The following SH3PXD2A variants were observed in gnomAD, a reference collection of about 807,000 sequenced individuals.
SH3PXD2A encodes SH3 and PX domains 2A.
A neutral mutation model predicts 115.2 loss-of-function variants in SH3PXD2A; 32 were observed. The observed-to-expected ratio is 0.28, with a 90% CI of 0.21 to 0.37. The LOEUF (loss-of-function observed/expected upper bound fraction) is 0.37, where lower values mean the gene tolerates loss of function less well. Ranked by LOEUF, SH3PXD2A falls within the 10% of genes least tolerant of loss-of-function variation. The probability of loss-of-function intolerance (pLI) is 1.00; values close to 1 mark genes in which losing one functional copy is unlikely to be tolerated. For synonymous variants in SH3PXD2A, 610 were observed against 629.1 expected (o/e 0.97, Z 0.45); for missense variants, 1,328 against 1,498.7 (o/e 0.89, Z 1.88).
chr10:103,766,692 TGGA>T (rs1303006436), intron 3 of SH3PXD2A, among the ~76,000 whole-genome samples: 1 of 152,206 alleles, frequency 6.6e-6, no homozygotes, highest in Non-Finnish European at 1.5e-5. Flanking sequence ...ACGTGAGGAC[TGGA>T]GGAGATCAGA....
chr10:103,780,044 T>C (rs2038917378), intron 2 of SH3PXD2A, among the ~76,000 whole-genome samples: 1 of 152,204 alleles, frequency 6.6e-6, no homozygotes, highest in Admixed American at 6.5e-5. Flanking sequence ...CCAAATGGCC[T>C]AGAACTGTGG....
At chr10:103,846,541 T>C (rs1455100370) in intron 1 of SH3PXD2A, among the ~76,000 whole-genome samples, 1 of 152,150 alleles carries the variant, frequency 6.6e-6, no homozygotes, top group Admixed American at 6.5e-5. Context: ...CTGCCCTAGA[T>C]AATTAAGAAC....
Position 103,601,016 on chromosome 10 carries a change from C to G in SH3PXD2A, c.*800G>C, listed in dbSNP as rs3824782. The stretch of plus-strand genomic sequence containing the variant: ...CTCCCGAAACATGCAAAGGAACTGC[C>G]CGCCCAGAAATACCCAAAATAGTCT... On this transcript the variant is annotated 3_prime_UTR_variant, in exon 15 of 15. Coordinates refer to ENST00000369774, the MANE Select transcript of SH3PXD2A (RefSeq NM_001394015.1). 15,454 of 152,268 alleles carry G rather than the reference C, an allele frequency of 0.1. 922 individuals are homozygous for G. Among genetic ancestry groups the G allele is most frequent in the East Asian group, 0.21 (1,101 of 5,164 alleles). 9.4% of individuals were successfully genotyped at this position (152,268 alleles called of 1,614,324 possible). A position where few individuals can be genotyped will look rare whatever the true frequency, so the allele number is the denominator to read the frequency against.
intron 4 of SH3PXD2A, among the ~76,000 whole-genome samples, chr10:103,728,156 A>C (rs1055185619): frequency 6.6e-6 from 1 of 152,252 alleles, no homozygotes; most frequent in African/African-American, 2.4e-5. Flanking sequence ...TCAGGGCTGC[A>C]GGCAGATGCA....
chr10:103,655,655 C>T (rs1465385765), intron 8 of SH3PXD2A, among the ~76,000 whole-genome samples: 1 of 151,680 alleles, frequency 6.6e-6, no homozygotes, highest in Non-Finnish European at 1.5e-5. Context: ...CGCCTGTAAT[C>T]CCAGTTACTC....
In SH3PXD2A at chr10:103,622,707, C is replaced by T. The variant is rs772994101; in HGVS notation, c.719-154G>A. On this transcript the variant is annotated intron_variant, in intron 9 of 14. Coordinates refer to ENST00000369774, the MANE Select transcript of SH3PXD2A (RefSeq NM_001394015.1). Reference sequence around the variant, plus strand: ...ATCACCTGGACTGAACCAAAGGGCACGCCCCTGTTGGATGGGGCAGATATG... The same window carrying T: ...ATCACCTGGACTGAACCAAAGGGCATGCCCCTGTTGGATGGGGCAGATATG... 1.0e-3 allele frequency among the ~76,000 whole-genome samples: 156 copies of T among 152,292 alleles called. 1 individual carries two copies. Among genetic ancestry groups the T allele is most frequent in the African/African-American group, 3.2e-3 (135 of 41,546 alleles).
chr10:103,738,311 T>C (rs2038404327), intron 3 of SH3PXD2A, among the ~76,000 whole-genome samples: 1 of 152,320 alleles, frequency 6.6e-6, no homozygotes, highest in African/African-American at 2.4e-5. Context: ...CTACCCTTTT[T>C]TGGTTGCCTG....
intron 7 of SH3PXD2A, among the ~76,000 whole-genome samples, chr10:103,662,235 C>G (rs1390359306): frequency 6.7e-6 from 1 of 149,356 alleles, no homozygotes; most frequent in Non-Finnish European, 1.5e-5. Flanking sequence ...AAGCAGGCAC[C>G]AGGCAGGAAG....
At chr10:103,699,730 C>T (rs1476311455) in intron 5 of SH3PXD2A, among the ~76,000 whole-genome samples, 2 of 152,212 alleles carry the variant, frequency 1.3e-5, no homozygotes. Flanking sequence ...GCCTGCAGGC[C>T]ATTCTCTGCC....
In SH3PXD2A at chr10:103,622,749, A is replaced by G. The variant is rs540988184; in HGVS notation, c.719-196T>C. 4.6e-5 allele frequency among the ~76,000 whole-genome samples: 7 copies of G among 152,332 alleles called. No individual in the cohort carries two copies. The East Asian group carries it at 1.4e-3, about 29-fold the overall frequency. ...GCAGATATGACAGGTCATGGTCGGC[A>G]CACAGGGAAAAATTCAACCAAACTC... On this transcript the variant is annotated intron_variant, in intron 9 of 14. Transcript: ENST00000369774.
At chr10:103,694,331 C>T (rs977206721) in intron 5 of SH3PXD2A, among the ~76,000 whole-genome samples, 1 of 152,150 alleles carries the variant, frequency 6.6e-6, no homozygotes, top group Admixed American at 6.5e-5. Context: ...GAAGAGGCAG[C>T]AGGCTCCCAG....
chr10:103,806,143 T>C (rs1287330074), intron 1 of SH3PXD2A, among the ~76,000 whole-genome samples: 2 of 152,164 alleles, frequency 1.3e-5, no homozygotes, highest in East Asian at 1.9e-4. Flanking sequence ...GTGTGAAGGA[T>C]GGGGAAGCGA....
chr10:103,699,839 G>A (rs1159085624), intron 5 of SH3PXD2A, among the ~76,000 whole-genome samples: 1 of 152,206 alleles, frequency 6.6e-6, no homozygotes, highest in Non-Finnish European at 1.5e-5. Flanking sequence ...AGGGTTCTGA[G>A]AATGGACCCC....
chr10:103,848,036 C>T (rs1195206447), intron 1 of SH3PXD2A, among the ~76,000 whole-genome samples: 1 of 152,096 alleles, frequency 6.6e-6, no homozygotes, highest in Non-Finnish European at 1.5e-5. Context: ...ATGCTGGGCT[C>T]CCCTCAGACT....
Position 103,611,533 on chromosome 10 carries a change from C to T in SH3PXD2A, c.1308+48G>A. On this transcript the variant is annotated intron_variant, in intron 13 of 14. Coordinates refer to ENST00000369774, the MANE Select transcript of SH3PXD2A (RefSeq NM_001394015.1). ...GCCAATTGATCGGGTGGCTATAGCG[C>T]ATTCACAGAAAAGGAAGGAAAGGGG... 2 of 1,528,704 alleles carry T rather than the reference C, an allele frequency of 1.3e-6. 1 individual carries two copies. Among genetic ancestry groups the T allele is most frequent in the South Asian group, 2.2e-5 (2 of 89,208 alleles). The allele number at this position is 1,528,704 out of a possible 1,614,324, so 94.7% of individuals were successfully genotyped here. A position where few individuals can be genotyped will look rare whatever the true frequency, so the allele number is the denominator to read the frequency against.
In SH3PXD2A at chr10:103,623,277, C is replaced by G. The variant is rs528970648; in HGVS notation, c.719-724G>C. Among the ~76,000 whole-genome samples, 943 of 141,126 alleles carry G rather than the reference C, an allele frequency of 6.7e-3. 10 individuals carry two copies. The highest frequency in any genetic ancestry group is 0.014 in the Middle Eastern group (4 of 276). The allele number at this position is 141,126 out of a possible 152,430, so 92.6% of individuals were successfully genotyped here. ...GACATCTGATGACAGGGGCCCCCTCCCCAGCTTCTCACTGCTCCTGACCCC... is the reference window on the plus strand; with the variant it reads ...GACATCTGATGACAGGGGCCCCCTCGCCAGCTTCTCACTGCTCCTGACCCC... On this transcript the variant is annotated intron_variant, in intron 9 of 14. Transcript: ENST00000369774.
At chr10:103,701,612 CCAT>C in intron 5 of SH3PXD2A, among the ~76,000 whole-genome samples, 1 of 150,950 alleles carries the variant, frequency 6.6e-6, no homozygotes, top group East Asian at 2.0e-4. Flanking sequence ...CATCATCCAT[CCAT>C]CATCCATCCA....
At chr10:103,815,381 T>C (rs1347955530) in intron 1 of SH3PXD2A, among the ~76,000 whole-genome samples, 1 of 149,850 alleles carries the variant, frequency 6.7e-6, no homozygotes, top group African/African-American at 2.4e-5. Flanking sequence ...ATATGTATAA[T>C]ATATACAGTG....
In SH3PXD2A at chr10:103,665,906, A is replaced by C. The variant is rs1056746535; in HGVS notation, c.472+2702T>G. On this transcript the variant is annotated intron_variant, in intron 7 of 14. Coordinates refer to ENST00000369774, the MANE Select transcript of SH3PXD2A (RefSeq NM_001394015.1). The surrounding 1 kb of genome is among the most constrained non-coding windows in gnomAD (Gnocchi z 4.0). ...CTCCTGGGTTGGAAGGGGCCTTTGCATGAGTCTGATCCAGAGATGGACCCT... is the reference window on the plus strand; with the variant it reads ...CTCCTGGGTTGGAAGGGGCCTTTGCCTGAGTCTGATCCAGAGATGGACCCT... 6.6e-6 allele frequency among the ~76,000 whole-genome samples: 1 copy of C among 152,154 alleles called. No homozygotes were observed. Among genetic ancestry groups the C allele is most frequent in the Non-Finnish European group, 1.5e-5 (1 of 68,010 alleles).
Sources: gnomAD v4.1 joint callset for allele counts (sites outside exome capture counted in the v4.1 genomes callset) on GRCh38, gnomAD v4.1.1 for gene constraint, Gnocchi (gnomAD v3.1) non-coding constraint, MANE v1.5 for transcripts, NCBI Gene and HGNC (gene_info 2026-07-23, HGNC 2026-07-21) for gene names.